Variants in NBEAL1 observed in about 807,000 individuals in gnomAD.
NBEAL1 encodes the protein neurobeachin like 1, also known as neurobeachin-like protein 1.
In NBEAL1, 273 loss-of-function variants were observed where a neutral mutation model predicts 351.3. That is an observed-to-expected ratio of 0.78 (90% CI 0.70 to 0.86). NBEAL1 has a LOEUF of 0.86. Ranked by LOEUF, NBEAL1 falls within the 40% of genes least tolerant of loss-of-function variation. NBEAL1 has a pLI of 0.00. For synonymous variants in NBEAL1, 1,050 were observed against 1,086.4 expected, an observed-to-expected ratio of 0.97 and a Z score of 0.66; for missense variants, 2,961 against 3,201.3, an observed-to-expected ratio of 0.92 and a Z score of 1.81.
intron 49 of NBEAL1, 105 bp from the exon 50 acceptor site, chr2:203,201,438 T>C: frequency 1.1e-6 from 1 of 911,338 alleles, no homozygotes; most frequent in Non-Finnish European, 1.5e-6. Context: ...ATAGGACATT[T>C]GGGACTAATT....
chr2:203,076,749 A>T (rs1481264905), intron 7 of NBEAL1, among the ~76,000 whole-genome samples: 1 of 151,552 alleles, frequency 6.6e-6, no homozygotes, highest in Non-Finnish European at 1.5e-5. Context: ...CCGCCACCAC[A>T]CCTGGCTAAT....
chr2:203,055,408 G>T (rs941202093), intron 4 of NBEAL1, among the ~76,000 whole-genome samples: 2 of 152,000 alleles, frequency 1.3e-5, no homozygotes, highest in Admixed American at 1.3e-4. Context: ...TTCAAGACCA[G>T]CCTGGGCAAC....
At chr2:203,020,555 C>T (rs2060752297) in intron 2 of NBEAL1, among the ~76,000 whole-genome samples, 1 of 151,670 alleles carries the variant, frequency 6.6e-6, no homozygotes, top group Non-Finnish European at 1.5e-5. Context: ...CCTGTAATCC[C>T]AGCTACTCAG....
At chr2:203,040,167 G>T (rs1177027821) in intron 2 of NBEAL1, 5 of 1,512,272 alleles carry the variant, frequency 3.3e-6, no homozygotes, top group Non-Finnish European at 4.5e-6. Context: ...TGAAAAAGAG[G>T]AAGGCTTATC....
In NBEAL1 at chr2:203,197,322, A is replaced by T. The variant is rs1376532438; in HGVS notation, c.7059A>T (p.Pro2353=). 1.3e-6 allele frequency: 2 copies of T among 1,593,454 alleles called. No homozygotes were observed. The highest frequency in any genetic ancestry group is 2.2e-5 in the South Asian group (2 of 90,602). ...TATAGGGGATTAGTGATGGTATTCC[A>T]CTATTAAAGGCCACCATCCCCAAAA... is the stretch of plus-strand genomic sequence containing the variant. The part of the protein sequence containing the change: ...FFIEGISDGI[P]LLKATIPKNQ... Residue 2353 remains proline (P), a synonymous_variant, in exon 48 of 56, where the codon CCA becomes CCT. Transcript: ENST00000683969.
At chr2:203,066,957 CACTT>C (rs1156840875) in intron 6 of NBEAL1, among the ~76,000 whole-genome samples, 1 of 150,524 alleles carries the variant, frequency 6.6e-6, no homozygotes, top group Admixed American at 6.6e-5. Context: ...AGGCGCTCCT[CACTT>C]ACCAGGCGGG....
At chr2:203,023,605 GT>G (rs1187258450) in intron 2 of NBEAL1, among the ~76,000 whole-genome samples, 77 of 141,426 alleles carry the variant, frequency 5.4e-4, no homozygotes, top group Non-Finnish European at 7.1e-4. Flanking sequence ...TTTCTTGTGT[GT>G]TTTTTTTTTT....
At chr2:203,171,348 T>C (rs2064313255) in intron 39 of NBEAL1, among the ~76,000 whole-genome samples, 1 of 152,078 alleles carries the variant, frequency 6.6e-6, no homozygotes, top group Non-Finnish European at 1.5e-5. Flanking sequence ...CATATGCCTG[T>C]AAACCCAATG....
chr2:203,099,690 T>G lies in NBEAL1; in HGVS notation c.1247T>G (p.Met416Arg). 2 of 1,550,116 alleles carry G rather than the reference T, an allele frequency of 1.3e-6. No homozygotes were observed. The highest frequency in any genetic ancestry group is 1.7e-6 in the Non-Finnish European group (2 of 1,146,288). ...ACCATTCAGGCTTTGACCGCAGTAA[T>G]GAACAAATCTCCAGCTGCTAAGGTG... ...ISTIQALTAVMNKSPAAKEVF... is the reference protein window; with the variant it reads ...ISTIQALTAVRNKSPAAKEVF... The change falls in exon 12 of 56, where the codon ATG becomes AGG. Residue 416 changes from methionine to arginine, a missense_variant. Coordinates refer to ENST00000683969, the MANE Select transcript of NBEAL1 (RefSeq NM_001378026.1).
chr2:203,075,987 T>C (rs368529431), intron 7 of NBEAL1, among the ~76,000 whole-genome samples: 5 of 152,214 alleles, frequency 3.3e-5, no homozygotes, highest in African/African-American at 1.2e-4. Flanking sequence ...ACATTTGTTA[T>C]TGGAAATAAT....
intron 2 of NBEAL1, among the ~76,000 whole-genome samples, chr2:203,021,978 G>C (rs1307142821): frequency 6.6e-6 from 1 of 151,750 alleles, no homozygotes; most frequent in Non-Finnish European, 1.5e-5. Context: ...TTGAATCCGG[G>C]AGGCAGAAGT....
intron 8 of NBEAL1, among the ~76,000 whole-genome samples, chr2:203,079,977 TGA>T (rs1420561519): frequency 2.6e-5 from 4 of 152,240 alleles, no homozygotes; most frequent in Non-Finnish European, 5.9e-5. Context: ...TTTGGAGATT[TGA>T]GAGAGTGTAA....
chr2:203,069,762 G>C (rs2061650823), intron 7 of NBEAL1, among the ~76,000 whole-genome samples: 1 of 151,984 alleles, frequency 6.6e-6, no homozygotes, highest in Non-Finnish European at 1.5e-5. Flanking sequence ...AGCTCAGGTG[G>C]TCCTCTCACC....
chr2:203,114,626 A>G (rs1227588866), intron 17 of NBEAL1, among the ~76,000 whole-genome samples: 3 of 152,218 alleles, frequency 2.0e-5, no homozygotes, highest in African/African-American at 7.2e-5. Flanking sequence ...GAGTTATGTA[A>G]CTGCAGAATA....
chr2:203,148,870 C>T (rs1248445583), intron 33 of NBEAL1, 121 bp from the exon 34 acceptor site: 1 of 762,744 alleles, frequency 1.3e-6, no homozygotes, highest in South Asian at 4.5e-5. Flanking sequence ...CTATTGGTTA[C>T]TTAGCTTCTT....
At chr2:203,047,003 C>T (rs1410015696) in intron 3 of NBEAL1, among the ~76,000 whole-genome samples, 3 of 152,092 alleles carry the variant, frequency 2.0e-5, no homozygotes, top group African/African-American at 7.2e-5. Context: ...GGAGAAACCC[C>T]GTCTCTACTA....
At chr2:203,206,541 G>C (rs528407567) in intron 51 of NBEAL1, among the ~76,000 whole-genome samples, 41 of 152,126 alleles carry the variant, frequency 2.7e-4, no homozygotes, top group Middle Eastern at 3.4e-3. Context: ...TCAGCCTGCC[G>C]AGTGCCTGCA....
chr2:203,072,755 C>T (rs142954570), intron 7 of NBEAL1, among the ~76,000 whole-genome samples: 26 of 152,216 alleles, frequency 1.7e-4, no homozygotes, highest in African/African-American at 6.0e-4. Context: ...CCTGAAGGTC[C>T]CTATTTCCAG....
At chr2:203,163,965 T>C (rs2064049742) in intron 36 of NBEAL1, among the ~76,000 whole-genome samples, 1 of 152,230 alleles carries the variant, frequency 6.6e-6, no homozygotes, top group Non-Finnish European at 1.5e-5. Flanking sequence ...TGGTTGTCTT[T>C]TTTCTTATTC....
Sources: allele counts gnomAD v4.1 joint callset (sites outside exome capture counted in the v4.1 genomes callset), GRCh38; gene constraint gnomAD v4.1.1; transcripts MANE v1.5; gene names NCBI Gene and HGNC (gene_info 2026-07-23, HGNC 2026-07-21).